The following LUZP2 variants were observed in gnomAD, a reference collection of about 807,000 sequenced individuals.
The protein encoded by LUZP2 is leucine zipper protein 2.
LUZP2 carries 52 observed loss-of-function variants against 51.6 expected under a neutral mutation model. That is an observed-to-expected ratio of 1.01 (90% CI 0.81 to 1.27). LUZP2 has a LOEUF of 1.27. Among genes scored for constraint, LUZP2 ranks in the 50% most tolerant of loss-of-function variants. LUZP2 has a pLI of 0.00. For missense variants in LUZP2, 436 were observed against 395.4 expected, an observed-to-expected ratio of 1.10 and a Z score of -0.87; for synonymous variants, 154 against 137.3, an observed-to-expected ratio of 1.12 and a Z score of -0.85.
intron 1 of LUZP2, among the ~76,000 whole-genome samples, chr11:24,682,802 G>C (rs1024540770): frequency 6.6e-6 from 1 of 151,774 alleles, no homozygotes; most frequent in Non-Finnish European, 1.5e-5. Flanking sequence ...TCAAGAGATC[G>C]AGACCATCCT....
At chr11:24,605,073 GC>G (rs1565023436) in intron 1 of LUZP2, among the ~76,000 whole-genome samples, 3 of 151,658 alleles carry the variant, frequency 2.0e-5, no homozygotes, top group South Asian at 2.1e-4. Context: ...CCCAAAACCA[GC>G]CTCTAAATTT....
chr11:24,809,195 C>T (rs1325051371), intron 5 of LUZP2, among the ~76,000 whole-genome samples: 3 of 152,082 alleles, frequency 2.0e-5, no homozygotes, highest in Non-Finnish European at 4.4e-5. Flanking sequence ...TGTTTCATAT[C>T]ACTTTGCCAA....
intron 1 of LUZP2, among the ~76,000 whole-genome samples, chr11:24,527,845 T>TAA (rs1850861306): frequency 6.6e-6 from 1 of 151,332 alleles, no homozygotes; most frequent in Admixed American, 6.6e-5. Context: ...AGAAGAGTCC[T>TAA]AAAAATCTTT....
At chr11:24,810,051 G>A (rs1451805923) in intron 5 of LUZP2, among the ~76,000 whole-genome samples, 1 of 152,160 alleles carries the variant, frequency 6.6e-6, no homozygotes. Context: ...CTGCAGAGGA[G>A]CGGTTATGTT....
chr11:24,981,925 C>T (rs1414829050), intron 8 of LUZP2, among the ~76,000 whole-genome samples: 1 of 119,078 alleles, frequency 8.4e-6, no homozygotes, highest in Non-Finnish European at 1.8e-5. Context: ...AAACAAACAA[C>T]CTCATTAAAA....
chr11:24,608,797 C>A (rs1037131190), intron 1 of LUZP2, among the ~76,000 whole-genome samples: 6 of 152,080 alleles, frequency 3.9e-5, no homozygotes, highest in Non-Finnish European at 8.8e-5. Context: ...CAGTATGATA[C>A]AATTATCTTC....
intron 9 of LUZP2, among the ~76,000 whole-genome samples, chr11:24,998,085 A>G (rs867374909): frequency 6.6e-6 from 1 of 152,056 alleles, no homozygotes; most frequent in African/African-American, 2.4e-5. Flanking sequence ...TTTGCTTAGG[A>G]TTGACTTGGC....
At chr11:25,076,079 C>A (rs930672750) in intron 10 of LUZP2, among the ~76,000 whole-genome samples, 2 of 151,998 alleles carry the variant, frequency 1.3e-5, no homozygotes, top group Non-Finnish European at 2.9e-5. Flanking sequence ...GTGGCATGAT[C>A]ACAGCTCATT....
At chr11:24,605,582 T>G (rs1328213365) in intron 1 of LUZP2, among the ~76,000 whole-genome samples, 1 of 151,858 alleles carries the variant, frequency 6.6e-6, no homozygotes, top group Non-Finnish European at 1.5e-5. Flanking sequence ...GAATGGACAT[T>G]GATAATTTTC....
At chr11:24,502,232 A>T (rs1228215974) in intron 1 of LUZP2, among the ~76,000 whole-genome samples, 3 of 140,542 alleles carry the variant, frequency 2.1e-5, no homozygotes, top group Non-Finnish European at 4.5e-5. Context: ...AAAAAGAAAA[A>T]ATATAGATAC....
chr11:24,863,753 A>C (rs139773386), intron 5 of LUZP2, among the ~76,000 whole-genome samples: 1,697 of 152,302 alleles, frequency 0.011, 17 homozygotes, highest in Middle Eastern at 0.027. Flanking sequence ...CGTCCCCAGA[A>C]AAATTGGAGA....
chr11:24,975,847 T>C (rs1855867888), intron 7 of LUZP2, among the ~76,000 whole-genome samples: 1 of 151,960 alleles, frequency 6.6e-6, no homozygotes, highest in Non-Finnish European at 1.5e-5. Context: ...GTGTATGGGA[T>C]TAAAACACAA....
chr11:24,499,640 A>G (rs749531773), intron 1 of LUZP2, among the ~76,000 whole-genome samples: 2 of 152,174 alleles, frequency 1.3e-5, no homozygotes, highest in African/African-American at 2.4e-5. Flanking sequence ...TGTTTAGATC[A>G]CGCTGGATGC....
chr11:24,962,173 C>T (rs1031231873), intron 7 of LUZP2, among the ~76,000 whole-genome samples: 4 of 151,988 alleles, frequency 2.6e-5, no homozygotes, highest in Non-Finnish European at 4.4e-5. Flanking sequence ...CTCTGGCTGC[C>T]CTTAACATTT....
intron 2 of LUZP2, among the ~76,000 whole-genome samples, chr11:24,731,597 G>A (rs1039646024): frequency 2.0e-5 from 3 of 151,690 alleles, no homozygotes; most frequent in Admixed American, 1.3e-4. Context: ...ATAGAGACCA[G>A]TTACAATTTT....
intron 4 of LUZP2, among the ~76,000 whole-genome samples, chr11:24,761,477 C>A (rs954446470): frequency 1.3e-5 from 2 of 152,052 alleles, no homozygotes; most frequent in African/African-American, 4.8e-5. Flanking sequence ...AACACAGACC[C>A]AAGACACATC....
At chr11:24,757,120 A>G (rs1015614597) in intron 4 of LUZP2, among the ~76,000 whole-genome samples, 1 of 152,156 alleles carries the variant, frequency 6.6e-6, no homozygotes, top group Non-Finnish European at 1.5e-5. Flanking sequence ...GCCTGAGAAC[A>G]TGTGTTTGTG....
chr11:24,761,780 T>G (rs1481145865), intron 4 of LUZP2, among the ~76,000 whole-genome samples: 1 of 152,154 alleles, frequency 6.6e-6, no homozygotes. Flanking sequence ...TTACATAAAA[T>G]AAATACAAAT....
intron 5 of LUZP2, among the ~76,000 whole-genome samples, chr11:24,847,262 TA>T (rs201382742): frequency 2.0e-5 from 3 of 152,160 alleles, no homozygotes; most frequent in South Asian, 2.1e-4. Context: ...AATATATATA[TA>T]TTTTTTTCCT....
Sources: gnomAD v4.1 joint callset for allele counts (sites outside exome capture counted in the v4.1 genomes callset) on GRCh38, gnomAD v4.1.1 for gene constraint, MANE v1.5 for transcripts, NCBI Gene and HGNC (gene_info 2026-07-23, HGNC 2026-07-21) for gene names.